Variants in ZNF229 observed in about 807,000 individuals in gnomAD.
The protein encoded by ZNF229 is zinc finger protein 229.
In ZNF229, 10 loss-of-function variants were observed where a neutral mutation model predicts 11.8. The ratio of observed to expected loss-of-function variants is 0.85; its 90% CI spans 0.52 to 1.44. ZNF229 has a LOEUF of 1.44. ZNF229 is among the 40% of genes most tolerant of loss of function. The pLI, the probability that ZNF229 is intolerant of heterozygous loss-of-function variation, is 0.00. For missense variants in ZNF229, 1,045 were observed against 1,015.1 expected, an observed-to-expected ratio of 1.03 and a Z score of -0.40; for synonymous variants, 368 against 374.8, an observed-to-expected ratio of 0.98 and a Z score of 0.21.
upstream of ZNF229, chr19:44,448,558 G>A (rs1972044865): frequency 6.6e-6 from 1 of 152,202 alleles, no homozygotes; most frequent in African/African-American, 2.4e-5. Flanking sequence ...CCGATCCTAG[G>A]GGCGATGGTG....
At chr19:44,432,413 A>C in intron 4 of ZNF229, 47 bp from the exon 5 acceptor site, 1 of 1,597,148 alleles carries the variant, frequency 6.3e-7, no homozygotes, top group Non-Finnish European at 8.5e-7. Flanking sequence ...ATGAAGACAA[A>C]CTGGTGTCCA....
chr19:44,442,477 C>T (rs1266612863), intron 4 of ZNF229, 86 bp downstream of exon 4: 5 of 1,437,158 alleles, frequency 3.5e-6, no homozygotes, highest in East Asian at 4.5e-5. Flanking sequence ...ACATTTTTCG[C>T]TCTTTTTCCT....
In ZNF229 at chr19:44,430,081, G is replaced by A; in HGVS notation, c.700C>T (p.Pro234Ser). Residue 234 changes from proline (P) to serine (S), a missense_variant, in exon 6 of 6, where the codon CCT becomes TCT. Transcript: ENST00000614049. ...CAACCACACGGCTTGTCTATTTCAGGGAATCTGTGATCAACATGACAAGAT... is the reference window on the plus strand; with the variant it reads ...CAACCACACGGCTTGTCTATTTCAGAGAATCTGTGATCAACATGACAAGAT... ...WISCHVDHRF[P>S]EIDKPCGCNK... 2 of 1,614,062 alleles carry A rather than the reference G, an allele frequency of 1.2e-6. No homozygotes were observed. Among genetic ancestry groups the A allele is most frequent in the Admixed American group, 1.7e-5 (1 of 60,012 alleles).
intron 1 of ZNF229, 56 bp downstream of exon 1, chr19:44,448,253 C>G (rs374200577): frequency 4.6e-5 from 7 of 152,358 alleles, no homozygotes. Flanking sequence ...CCGGGCCCAC[C>G]CCGCACAGGC....
At chr19:44,441,253 T>C (rs1424989290) in intron 4 of ZNF229, among the ~76,000 whole-genome samples, 2 of 151,800 alleles carry the variant, frequency 1.3e-5, no homozygotes, top group Non-Finnish European at 2.9e-5. Context: ...ACAATGACAA[T>C]AACAATATAA....
At chr19:44,439,017 T>C (rs1235391407) in intron 4 of ZNF229, among the ~76,000 whole-genome samples, 3 of 152,124 alleles carry the variant, frequency 2.0e-5, no homozygotes, top group Non-Finnish European at 2.9e-5. Flanking sequence ...AAGCCTAAAC[T>C]TGCAACTGGT....
chr19:44,431,773 A>G (rs1971726553), intron 5 of ZNF229: 14 of 988,468 alleles, frequency 1.4e-5, no homozygotes, highest in Non-Finnish European at 1.7e-5. Flanking sequence ...TCACCTGGAG[A>G]TGCATTTCTT....
In ZNF229 at chr19:44,428,697, T is replaced by C; in HGVS notation, c.2084A>G (p.Tyr695Cys). The change falls in exon 6 of 6, where the codon TAT (tyrosine) becomes TGT (cysteine). Residue 695 changes from tyrosine (Y) to cysteine (C), a missense_variant. Transcript: ENST00000614049. ...CTGGTGGGTGCGAAGATTAGAGCCATAACTGAATCCCTTGCCACACTGATC... is the reference window on the plus strand; with the variant it reads ...CTGGTGGGTGCGAAGATTAGAGCCACAACTGAATCCCTTGCCACACTGATC... ...TCDQCGKGFSYGSNLRTHQRL... is the reference protein window; with the variant it reads ...TCDQCGKGFSCGSNLRTHQRL... 2 of 1,613,722 alleles carry C rather than the reference T, an allele frequency of 1.2e-6. No individual in the cohort carries two copies. The highest frequency in any genetic ancestry group is 1.7e-6 in the Non-Finnish European group (2 of 1,179,928).
At position 44,429,687 on chromosome 19, in the gene ZNF229, AG is replaced by A. The variant is rs758141534; in HGVS notation, c.1093del (p.Ile366PhefsTer454). ...GKGFRYKSVLLIHQGVHTGRR... is the reference protein window; with the variant it reads ...GKGFRYKSVLXIHQGVHTGRR... ...TCCTGTGTGCACCCCTTGATGAATA[AG>A]AAGAACCGATTTATACCTGAACCCC... On this transcript the variant is annotated frameshift_variant, in exon 6 of 6. Transcript: ENST00000614049. LOFTEE classifies it low-confidence loss of function (END_TRUNC). The A allele has an allele frequency of 2.7e-5, 43 of 1,613,928 alleles. No individual in the cohort carries two copies. The highest frequency in any genetic ancestry group is 3.2e-5 in the Non-Finnish European group (38 of 1,179,964).
Position 44,428,167 on chromosome 19 carries a change from A to C in ZNF229, c.*136T>G, listed in dbSNP as rs1232937309. On this transcript the variant is annotated 3_prime_UTR_variant, in exon 6 of 6. Transcript: ENST00000614049. ...TCACACATCCAGGTGTTCCCTTCCT[A>C]TGCAGACTAGAAAATGTAAAATCAT... 7.2e-6 allele frequency: 7 copies of C among 970,230 alleles called. No individual in the cohort carries two copies. The African/African-American group carries it at 9.9e-5, about 14-fold the overall frequency. The allele number at this position is 970,230 out of a possible 1,614,324, so 60.1% of individuals were successfully genotyped here.
rs530154920 is a variant in ZNF229, at chr19:44,427,194, T to G, written c.*1109A>C. On this transcript the variant is annotated 3_prime_UTR_variant, in exon 6 of 6. Transcript: ENST00000614049. ...CGTGGGGATTAAAATTGAGATGAGA[T>G]TTGGGTGGGGACAAGAGCCAAACCA... The G allele has an allele frequency of 2.0e-5, 3 of 151,644 alleles. No homozygotes were observed. The highest frequency in any genetic ancestry group is 4.4e-5 in the Non-Finnish European group (3 of 67,988). The allele number at this position is 151,644 out of a possible 1,614,324, so 9.4% of individuals were successfully genotyped here.
At chr19:44,440,871 G>A (rs989592788) in intron 4 of ZNF229, among the ~76,000 whole-genome samples, 33 of 151,864 alleles carry the variant, frequency 2.2e-4, no homozygotes, top group African/African-American at 7.3e-4. Context: ...CTATAGGAAT[G>A]CACCACCACA....
At chr19:44,448,562 G>C (rs1427809013), upstream of ZNF229, 1 of 152,196 alleles carries the variant, frequency 6.6e-6, no homozygotes, top group East Asian at 1.9e-4. Flanking sequence ...TCCTAGGGGC[G>C]ATGGTGTCGT....
Position 44,442,425 on chromosome 19 carries a change from C to T in ZNF229, c.93+138G>A, listed in dbSNP as rs2123377401. The T allele has an allele frequency of 4.9e-6, 4 of 824,476 alleles. No individual in the cohort carries two copies. The East Asian group carries it at 1.1e-4, about 22-fold the overall frequency. The allele number at this position is 824,476 out of a possible 1,614,324, so 51.1% of individuals were successfully genotyped here. On this transcript the variant is annotated intron_variant, in intron 4 of 5. Coordinates refer to ENST00000614049, the MANE Select transcript of ZNF229 (RefSeq NM_014518.4). ...GAATCATACTATCTGTCTCACATCACTATTTTGTGGATAAATGCAACGAGA... is the reference window on the plus strand; with the variant it reads ...GAATCATACTATCTGTCTCACATCATTATTTTGTGGATAAATGCAACGAGA...
intron 4 of ZNF229, among the ~76,000 whole-genome samples, chr19:44,435,538 A>T: frequency 6.6e-6 from 1 of 152,192 alleles, no homozygotes; most frequent in Non-Finnish European, 1.5e-5. Context: ...ATCAGAGAAG[A>T]TCAGCGGAGA....
intron 1 of ZNF229, among the ~76,000 whole-genome samples, chr19:44,448,078 A>G (rs1441302236): frequency 3.3e-5 from 5 of 152,224 alleles, no homozygotes; most frequent in Non-Finnish European, 5.9e-5. Flanking sequence ...GACTTCGCAG[A>G]AAACTCTGAA....
In ZNF229 at chr19:44,429,292, C is replaced by T. The variant is rs201763580; in HGVS notation, c.1489G>A (p.Gly497Ser). 2.6e-5 allele frequency: 42 copies of T among 1,614,102 alleles called. 1 individual carries two copies. The South Asian group carries it at 2.9e-4, about 11-fold the overall frequency. ...TGAAGGTACGAGTTGTGACTGAAAC[C>T]TTTGCCACACTTGTCACACTGGTAG... Reference protein sequence around the residue: ...RPYQCDKCGKGFSHNSYLQAH... With the variant: ...RPYQCDKCGKSFSHNSYLQAH... The change falls in exon 6 of 6, where the codon GGT becomes AGT. Residue 497 changes from glycine (G) to serine (S), a missense_variant. Physicochemically the swap from Gly to Ser is moderately conservative, Grantham distance 56. Transcript: ENST00000614049.
intron 4 of ZNF229, among the ~76,000 whole-genome samples, chr19:44,439,300 C>T (rs1971867644): frequency 6.6e-6 from 1 of 152,136 alleles, no homozygotes. Flanking sequence ...AATATTCAGA[C>T]ATTTACATCA....
rs974624433 is a variant in ZNF229, at chr19:44,432,111, C to T, written c.238+111G>A. 2.7e-6 allele frequency: 4 copies of T among 1,477,628 alleles called. No homozygotes were observed. The African/African-American group carries it at 5.7e-5, about 21-fold the overall frequency. The allele number at this position is 1,477,628 out of a possible 1,614,324, so 91.5% of individuals were successfully genotyped here. A position where few individuals can be genotyped will look rare whatever the true frequency, so the allele number is the denominator to read the frequency against. On this transcript the variant is annotated intron_variant, in intron 5 of 5. Transcript: ENST00000614049. ...TGCCACTCAGTCTGGCAATTTTTTA[C>T]AGCAGCTGAAACTAAGAGTTCTATA...
Sources: gnomAD v4.1 joint callset for allele counts (sites outside exome capture counted in the v4.1 genomes callset) on GRCh38, gnomAD v4.1.1 for gene constraint, MANE v1.5 for transcripts, NCBI Gene and HGNC (gene_info 2026-07-23, HGNC 2026-07-21) for gene names.